GLIS1: variants seen among roughly 807,000 people sequenced by gnomAD.
GLIS1 encodes the protein zinc finger protein GLIS1.
In GLIS1, 24 loss-of-function variants were observed where a neutral mutation model predicts 63.8. The observed-to-expected ratio is 0.38, with a 90% CI of 0.27 to 0.53. The LOEUF (loss-of-function observed/expected upper bound fraction) is 0.53, where lower values mean the gene tolerates loss of function less well. Ranked by LOEUF, GLIS1 falls within the 20% of genes least tolerant of loss-of-function variation. The pLI is 0.85. For synonymous variants in GLIS1, 450 were observed against 482.5 expected, an observed-to-expected ratio of 0.93 and a Z score of 0.88; for missense variants, 1,036 against 1,074.1, an observed-to-expected ratio of 0.96 and a Z score of 0.50.
intron 2 of GLIS1, among the ~76,000 whole-genome samples, chr1:53,677,342 C>T (rs781049774): frequency 8.5e-5 from 13 of 152,160 alleles, no homozygotes; most frequent in Non-Finnish European, 1.6e-4. Flanking sequence ...ACAAAGCTGC[C>T]GAGTGGCTGG....
intron 2 of GLIS1, among the ~76,000 whole-genome samples, chr1:53,699,740 G>T (rs1356169265): frequency 2.0e-5 from 3 of 152,130 alleles, no homozygotes; most frequent in Non-Finnish European, 4.4e-5. Context: ...CCGGTGAGAG[G>T]TCTCTTCCCA....
chr1:53,584,587 G>A (rs1645116955), intron 4 of GLIS1, among the ~76,000 whole-genome samples: 1 of 152,200 alleles, frequency 6.6e-6, no homozygotes, highest in South Asian at 2.1e-4. Context: ...CTTGGCACAA[G>A]GGGGTGTCAA....
At position 53,702,248 on chromosome 1, in the gene GLIS1, C is replaced by T. The variant is rs531468502; in HGVS notation, c.259+35558G>A. Among the ~76,000 whole-genome samples, 44 of 152,322 alleles carry T rather than the reference C, an allele frequency of 2.9e-4. 1 individual carries two copies. In the South Asian group the frequency reaches 8.7e-3, roughly 30 times the overall value. On this transcript the variant is annotated intron_variant, in intron 2 of 10. Coordinates refer to ENST00000628545, the MANE Select transcript of GLIS1 (RefSeq NM_001367484.1). ...GGTCACTGCTCCTCCCCTCACCAGG[C>T]TGCCTCTCCAGGAGGATGCCAAGGC...
chr1:53,722,825 C>T (rs1378293421), intron 2 of GLIS1, among the ~76,000 whole-genome samples: 4 of 141,868 alleles, frequency 2.8e-5, no homozygotes, highest in African/African-American at 7.9e-5. Context: ...AGTGAGACCC[C>T]GTCTCAAAAA....
intron 4 of GLIS1, among the ~76,000 whole-genome samples, chr1:53,592,004 C>T (rs191854885): frequency 6.6e-6 from 1 of 152,342 alleles, no homozygotes; most frequent in Admixed American, 6.5e-5. Flanking sequence ...ACCTGCCACT[C>T]ATCTCCCACC....
At chr1:53,524,636 C>T (rs991535354) in intron 6 of GLIS1, 141 bp downstream of exon 6, 51 of 649,776 alleles carry the variant, frequency 7.8e-5, no homozygotes, top group Middle Eastern at 3.3e-4. Flanking sequence ...GACGGACGGA[C>T]GAACGGACGA....
At chr1:53,605,241 G>T (rs1387793355) in intron 2 of GLIS1, among the ~76,000 whole-genome samples, 1 of 152,116 alleles carries the variant, frequency 6.6e-6, no homozygotes, top group Non-Finnish European at 1.5e-5. Context: ...TGGCTCTGGG[G>T]CCACTACAAC....
At chr1:53,672,258 T>C (rs1289014515) in intron 2 of GLIS1, among the ~76,000 whole-genome samples, 1 of 152,184 alleles carries the variant, frequency 6.6e-6, no homozygotes, top group African/African-American at 2.4e-5. Context: ...GGCAGAACAT[T>C]AGATGAGGAA....
intron 5 of GLIS1, 36 bp from the exon 6 acceptor site, chr1:53,524,923 C>A: frequency 6.7e-7 from 1 of 1,501,122 alleles, no homozygotes; most frequent in Non-Finnish European, 9.3e-7. Context: ...GTGAGTGAGG[C>A]CCATCCCTAC....
At chr1:53,716,708 G>T (rs1646701878) in intron 2 of GLIS1, among the ~76,000 whole-genome samples, 1 of 152,066 alleles carries the variant, frequency 6.6e-6, no homozygotes, top group Non-Finnish European at 1.5e-5. Context: ...AGATCAAAAA[G>T]ACAAAGAGCT....
At chr1:53,679,675 T>G (rs1208203890) in intron 2 of GLIS1, among the ~76,000 whole-genome samples, 4 of 152,202 alleles carry the variant, frequency 2.6e-5, no homozygotes, top group Admixed American at 1.3e-4. Flanking sequence ...AAGTCAGCCA[T>G]GCCTCCTGGA....
chr1:53,567,392 T>C (rs764805024), intron 4 of GLIS1, among the ~76,000 whole-genome samples: 1 of 152,152 alleles, frequency 6.6e-6, no homozygotes, highest in Non-Finnish European at 1.5e-5. Context: ...TGGTCTAAAA[T>C]TGGAACTTAT....
At chr1:53,724,732 C>G (rs1273139725) in intron 2 of GLIS1, among the ~76,000 whole-genome samples, 2 of 152,114 alleles carry the variant, frequency 1.3e-5, no homozygotes, top group African/African-American at 4.8e-5. Flanking sequence ...GTTACCCAGG[C>G]TGGTCTTGAA....
At chr1:53,519,518 G>T (rs1261017313) in intron 7 of GLIS1, among the ~76,000 whole-genome samples, 1 of 152,240 alleles carries the variant, frequency 6.6e-6, no homozygotes, top group Non-Finnish European at 1.5e-5. Flanking sequence ...CTGATACTGT[G>T]GTTTCTTTAG....
chr1:53,636,306 A>T (rs986186449), intron 2 of GLIS1, among the ~76,000 whole-genome samples: 1 of 152,236 alleles, frequency 6.6e-6, no homozygotes, highest in Admixed American at 6.5e-5. Context: ...AAAATCACTT[A>T]ACGCTATTCA....
intron 2 of GLIS1, among the ~76,000 whole-genome samples, chr1:53,603,397 G>A (rs1198172746): frequency 6.6e-6 from 1 of 152,176 alleles, no homozygotes; most frequent in African/African-American, 2.4e-5. Context: ...TCAAAGCCTA[G>A]ACTCTGCCCC....
chr1:53,709,407 T>TATACAC (rs1557534470), intron 2 of GLIS1, among the ~76,000 whole-genome samples: 3 of 32,532 alleles, frequency 9.2e-5, no homozygotes, highest in African/African-American at 1.2e-4. Flanking sequence ...TATACATATA[T>TATACAC]ATATACACAC....
At chr1:53,620,831 C>T (rs527602515) in intron 2 of GLIS1, among the ~76,000 whole-genome samples, 33 of 152,320 alleles carry the variant, frequency 2.2e-4, no homozygotes, top group African/African-American at 7.5e-4. Flanking sequence ...TAATGCTGAT[C>T]CACTAAGCGA....
intron 2 of GLIS1, among the ~76,000 whole-genome samples, chr1:53,692,298 CTCAAAA>C (rs1646414091): frequency 6.6e-6 from 1 of 152,204 alleles, no homozygotes. Flanking sequence ...CATATCCTTG[CTCAAAA>C]TCCCTCCATG....
Sources: allele counts gnomAD v4.1 joint callset (sites outside exome capture counted in the v4.1 genomes callset), GRCh38; gene constraint gnomAD v4.1.1; transcripts MANE v1.5; gene names NCBI Gene and HGNC (gene_info 2026-07-23, HGNC 2026-07-21).